The following SFSWAP variants were observed in gnomAD, a reference collection of about 807,000 sequenced individuals.
SFSWAP encodes splicing factor, suppressor of white-apricot homolog.
SFSWAP carries 17 observed loss-of-function variants against 100.7 expected under a neutral mutation model. The ratio of observed to expected loss-of-function variants is 0.17; its 90% CI spans 0.12 to 0.25. The LOEUF (loss-of-function observed/expected upper bound fraction) is 0.25. Among genes scored for constraint, SFSWAP ranks in the 10% least tolerant of loss-of-function variants. The pLI is 1.00. For synonymous variants in SFSWAP, 504 were observed against 510.1 expected (o/e 0.99, Z 0.16); for missense variants, 1,005 against 1,262.6 (o/e 0.80, Z 3.09).
At chr12:131,787,436 C>A (rs138835066) in intron 15 of SFSWAP, among the ~76,000 whole-genome samples, 3 of 152,180 alleles carry the variant, frequency 2.0e-5, no homozygotes, top group Non-Finnish European at 4.4e-5. Flanking sequence ...CAGTGCCTTG[C>A]GTGGGGCAGC....
intron 13 of SFSWAP, among the ~76,000 whole-genome samples, chr12:131,774,015 C>T (rs1883815896): frequency 6.6e-6 from 1 of 152,132 alleles, no homozygotes; most frequent in Admixed American, 6.5e-5. Context: ...CAGGCAGAAC[C>T]GGAATGACAA....
chr12:131,799,038 G>A lies in SFSWAP; in HGVS notation c.2719G>A (p.Gly907Arg), dbSNP rs1275237837. The A allele has an allele frequency of 6.2e-7, 1 of 1,611,672 alleles. No homozygotes were observed. Reference sequence around the variant, plus strand: ...CTGCTCTCTCTCTCTCTGCATTAGGGGAGTCTCTCAGGAAAAAGAAGCCCA... The same window carrying A: ...CTGCTCTCTCTCTCTCTGCATTAGGAGAGTCTCTCAGGAAAAAGAAGCCCA... ...SRGSSQERSR[G>R]VSQEKEAQIS... The change falls in exon 17 of 18, where the codon GGA becomes AGA. Residue 907 changes from glycine to arginine, a missense_variant and splice_region_variant. Physicochemically the swap from Gly to Arg is moderately radical, Grantham distance 125. Around this residue, in one of 7 missense-constraint regions of SFSWAP, gnomAD observed 295 missense variants for 347.9 expected, o/e 0.85. Coordinates refer to ENST00000261674, the MANE Select transcript of SFSWAP (RefSeq NM_004592.4).
rs1878856204 is a variant in SFSWAP, at chr12:131,725,360, A to G, written c.607-45A>G. On this transcript the variant is annotated intron_variant, in intron 4 of 17. Coordinates refer to ENST00000261674, the MANE Select transcript of SFSWAP (RefSeq NM_004592.4). This position sits in a 1 kb window ranked among gnomAD's most constrained non-coding sequence, Gnocchi z 4.3. The stretch of plus-strand genomic sequence containing the variant: ...TTTAATGAAATCACGTGGCCGGTGG[A>G]CAAGAGGACAAATGGGTGACGTGAA... 2 of 1,485,622 alleles carry G rather than the reference A, an allele frequency of 1.3e-6. No individual in the cohort carries two copies. The highest frequency in any genetic ancestry group is 2.8e-5 in the African/African-American group (2 of 71,790). 92.0% of individuals were successfully genotyped at this position (1,485,622 alleles called of 1,614,324 possible). A position where few individuals can be genotyped will look rare whatever the true frequency, so the allele number is the denominator to read the frequency against.
Position 131,727,028 on chromosome 12 carries a change from T to A in SFSWAP, c.921T>A (p.Cys307Ter). The A allele has an allele frequency of 6.3e-7, 1 of 1,599,096 alleles. No individual in the cohort carries two copies. The highest frequency in any genetic ancestry group is 8.6e-7 in the Non-Finnish European group (1 of 1,169,524). The change falls in exon 6 of 18, where the codon TGT becomes TGA. Residue 307 changes from cysteine to a stop codon, truncating the protein, a stop_gained. Transcript: ENST00000261674. LOFTEE classifies it high-confidence loss of function. ...CCTCTCTCTTTGCCTCCAAGAAGTG[T>A]AACCGCCTTGAAGAGCTGATGAAGG... ...LHPSLFASKKCNRLEELMKPL... is the reference protein window; with the variant it reads ...LHPSLFASKK
intron 7 of SFSWAP, among the ~76,000 whole-genome samples, chr12:131,750,773 C>G (rs1405652898): frequency 6.6e-6 from 1 of 152,202 alleles, no homozygotes; most frequent in Non-Finnish European, 1.5e-5. Flanking sequence ...CTCACTGCAG[C>G]CCCAAACTCC....
chr12:131,780,017 C>G (rs544392415), intron 14 of SFSWAP, among the ~76,000 whole-genome samples: 3 of 152,300 alleles, frequency 2.0e-5, no homozygotes, highest in Admixed American at 6.5e-5. Context: ...AACTCCTGAC[C>G]TCAGGTGACC....
chr12:131,756,474 C>T lies in SFSWAP; in HGVS notation c.1550C>T (p.Ala517Val), dbSNP rs148184951. Reference protein sequence around the residue: ...LQKEGGDSMQAVSAPEEAPTD... With the variant: ...LQKEGGDSMQVVSAPEEAPTD... The stretch of plus-strand genomic sequence containing the variant: ...TTTATAGTGACATTTAATCTCTAGG[C>T]TGTGTCTGCACCAGAAGAGGCTCCC... The change falls in exon 11 of 18, where the codon GCT becomes GTT. Residue 517 changes from alanine (A) to valine (V), a missense_variant and splice_region_variant. Physicochemically the swap from Ala to Val is moderately conservative, Grantham distance 64. This residue lies in a region of SFSWAP where 311 missense variants were observed against 317.8 expected (regional missense o/e 0.98). Coordinates refer to ENST00000261674, the MANE Select transcript of SFSWAP (RefSeq NM_004592.4). 27 of 1,613,436 alleles carry T rather than the reference C, an allele frequency of 1.7e-5. No homozygotes were observed. The highest frequency in any genetic ancestry group is 2.2e-5 in the Non-Finnish European group (26 of 1,179,760).
In SFSWAP at chr12:131,725,381, G is replaced by A. The variant is rs200149549; in HGVS notation, c.607-24G>A. Reference sequence around the variant, plus strand: ...GTGGACAAGAGGACAAATGGGTGACGTGAATATGTGTGTTTTCCCGTAGCC... The same window carrying A: ...GTGGACAAGAGGACAAATGGGTGACATGAATATGTGTGTTTTCCCGTAGCC... On this transcript the variant is annotated intron_variant, in intron 4 of 17. Transcript: ENST00000261674. This position sits in a 1 kb window ranked among gnomAD's most constrained non-coding sequence, Gnocchi z 4.3. 4.0e-3 allele frequency: 6,273 copies of A among 1,573,098 alleles called. 18 individuals carry two copies. Among genetic ancestry groups the A allele is most frequent in the Non-Finnish European group, 4.8e-3 (5,474 of 1,150,174 alleles).
In SFSWAP at chr12:131,795,154, G is replaced by A. The variant is rs535581309; in HGVS notation, c.2535-2024G>A. On this transcript the variant is annotated intron_variant, in intron 15 of 17. Transcript: ENST00000261674. ...ACAACATGTTGTCCTCACTGGGCACGTCAGGCAGGCTTCCAGAAGATGCCA... is the reference window on the plus strand; with the variant it reads ...ACAACATGTTGTCCTCACTGGGCACATCAGGCAGGCTTCCAGAAGATGCCA... 3.0e-4 allele frequency among the ~76,000 whole-genome samples: 45 copies of A among 152,304 alleles called. No individual in the cohort carries two copies. In the Middle Eastern group the frequency reaches 0.01, roughly 35 times the overall value.
Position 131,778,112 on chromosome 12 carries a change from G to C in SFSWAP, c.2190G>C (p.Leu730=). The C allele has an allele frequency of 6.2e-7, 1 of 1,613,940 alleles. No individual in the cohort carries two copies. The highest frequency in any genetic ancestry group is 8.5e-7 in the Non-Finnish European group (1 of 1,179,998). ...PCPLLTGGRP[L]PTLEVKPPDR... ...CTCTACTGACTGGAGGCAGGCCTCT[G>C]CCTACTTTAGAAGTTAAACCACCCG... The change falls in exon 14 of 18, where the codon CTG becomes CTC. Residue 730 remains leucine, a synonymous_variant. Transcript: ENST00000261674. This position sits in a 1 kb window ranked among gnomAD's most constrained non-coding sequence, Gnocchi z 4.2.
chr12:131,792,164 AC>A (rs912097575), intron 15 of SFSWAP, among the ~76,000 whole-genome samples: 1 of 137,156 alleles, frequency 7.3e-6, no homozygotes, highest in African/African-American at 2.9e-5. Context: ...CTGTGTGTGC[AC>A]CCGTGTGTGT....
At chr12:131,771,296 C>T (rs1282433649) in intron 13 of SFSWAP, among the ~76,000 whole-genome samples, 5 of 152,124 alleles carry the variant, frequency 3.3e-5, no homozygotes, top group Non-Finnish European at 7.4e-5. Context: ...AGTAGTTTAC[C>T]TGTAAATCAC....
intron 13 of SFSWAP, among the ~76,000 whole-genome samples, chr12:131,777,389 G>A (rs566246312): frequency 2.9e-4 from 44 of 152,210 alleles, no homozygotes; most frequent in African/African-American, 9.2e-4. Flanking sequence ...GAGAACATGC[G>A]GTGTTTGGTT....
intron 7 of SFSWAP, among the ~76,000 whole-genome samples, chr12:131,737,709 G>C (rs371283923): frequency 1.3e-5 from 2 of 151,898 alleles, no homozygotes; most frequent in Non-Finnish European, 2.9e-5. Context: ...ATACTCAGTC[G>C]TTCTTTCTTA....
chr12:131,767,743 G>A (rs142375381), intron 13 of SFSWAP, among the ~76,000 whole-genome samples: 323 of 152,198 alleles, frequency 2.1e-3, no homozygotes, highest in Non-Finnish European at 3.6e-3. Flanking sequence ...CAGAAAATCA[G>A]ACACCACATG....
In SFSWAP at chr12:131,799,556, C is replaced by G; in HGVS notation, c.*68C>G. 7.5e-7 allele frequency: 1 copy of G among 1,341,052 alleles called. No homozygotes were observed. Among genetic ancestry groups the G allele is most frequent in the Non-Finnish European group, 1.0e-6 (1 of 953,140 alleles). 83.1% of individuals were successfully genotyped at this position (1,341,052 alleles called of 1,614,324 possible). On this transcript the variant is annotated 3_prime_UTR_variant, in exon 18 of 18. Coordinates refer to ENST00000261674, the MANE Select transcript of SFSWAP (RefSeq NM_004592.4). ...CTGGGCAGGCTCACGCAGACGCCGGCCACACCATCCACCTGGCCGCCTCCA... is the reference window on the plus strand; with the variant it reads ...CTGGGCAGGCTCACGCAGACGCCGGGCACACCATCCACCTGGCCGCCTCCA...
At position 131,744,703 on chromosome 12, in the gene SFSWAP, C is replaced by T. The variant is rs530446836; in HGVS notation, c.1082-8420C>T. Among the ~76,000 whole-genome samples, 5 of 152,302 alleles carry T rather than the reference C, an allele frequency of 3.3e-5. No homozygotes were observed. In the South Asian group the frequency reaches 1.0e-3, roughly 32 times the overall value. On this transcript the variant is annotated intron_variant, in intron 7 of 17. Transcript: ENST00000261674. ...TGGGGTTATCTTTTCAGCAGTACCCCAATTCTGGTACCAAATTACTGGATT... is the reference window on the plus strand; with the variant it reads ...TGGGGTTATCTTTTCAGCAGTACCCTAATTCTGGTACCAAATTACTGGATT...
At position 131,727,044 on chromosome 12, in the gene SFSWAP, C is replaced by T; in HGVS notation, c.937C>T (p.Leu313=). 6.4e-7 allele frequency: 1 copy of T among 1,571,858 alleles called. No individual in the cohort carries two copies. Among genetic ancestry groups the T allele is most frequent in the Non-Finnish European group, 8.7e-7 (1 of 1,145,676 alleles). ...CAAGAAGTGTAACCGCCTTGAAGAG[C>T]TGATGAAGGTTTTTATCTCATTGTT... ...ASKKCNRLEE[L]MKPLKVVDPD... Residue 313 remains leucine, a synonymous_variant, in exon 6 of 18, where the codon CTG becomes TTG. Coordinates refer to ENST00000261674, the MANE Select transcript of SFSWAP (RefSeq NM_004592.4).
intron 3 of SFSWAP, among the ~76,000 whole-genome samples, chr12:131,717,371 A>G (rs767817371): frequency 2.8e-4 from 42 of 152,090 alleles, no homozygotes; most frequent in Non-Finnish European, 5.1e-4. Context: ...ATAATTTTTC[A>G]TCATTATTCT....
Sources: allele counts gnomAD v4.1 joint callset (sites outside exome capture counted in the v4.1 genomes callset), GRCh38; gene constraint gnomAD v4.1.1; regional missense constraint gnomAD v4.1.1; non-coding constraint Gnocchi (gnomAD v3.1); transcripts MANE v1.5; gene names NCBI Gene and HGNC (gene_info 2026-07-23, HGNC 2026-07-21).